Variants in BTBD9 observed in about 807,000 individuals in gnomAD.
BTBD9 encodes the protein BTB/POZ domain-containing protein 9.
In BTBD9, 49 loss-of-function variants were observed where a neutral mutation model predicts 64.3. That is an observed-to-expected ratio of 0.76 (90% CI 0.61 to 0.97). The LOEUF is 0.97. Among genes scored for constraint, BTBD9 ranks in the 50% least tolerant of loss-of-function variants. The pLI is 0.00. For synonymous variants in BTBD9, 260 were observed against 274.7 expected (o/e 0.95, Z 0.53); for missense variants, 598 against 762.1 (o/e 0.78, Z 2.53).
rs139159065 is a variant in BTBD9, at chr6:38,188,008, C to T, written c.1641+4511G>A. Among the ~76,000 whole-genome samples, 106 of 152,278 alleles carry T rather than the reference C, an allele frequency of 7.0e-4. 2 individuals carry two copies. In the East Asian group the frequency reaches 0.018, roughly 26 times the overall value. On this transcript the variant is annotated intron_variant, in intron 10 of 10. Coordinates refer to ENST00000481247, the MANE Select transcript of BTBD9 (RefSeq NM_001099272.2). ...GCGGGGAAAATTAGCATGCAGCAGA[C>T]GGAGACTGAGCCTTTGGATGCAGGA...
At chr6:38,392,573 C>G (rs905087227) in intron 6 of BTBD9, among the ~76,000 whole-genome samples, 2 of 152,204 alleles carry the variant, frequency 1.3e-5, no homozygotes, top group Admixed American at 1.3e-4. Context: ...AACCTGATGA[C>G]AGTCTTATGA....
rs913307216 is a variant in BTBD9, at chr6:38,299,058, C to G, written c.1265-10597G>C. Among the ~76,000 whole-genome samples, 3 of 152,202 alleles carry G rather than the reference C, an allele frequency of 2.0e-5. No individual in the cohort carries two copies. In the Middle Eastern group the frequency reaches 0.01, roughly 518 times the overall value. ...TGTGTGATGTTCCCCTTCCTGTGTC[C>G]ATGTGTTCTCATTGTTCAGTTCCCA... is the stretch of plus-strand genomic sequence containing the variant. On this transcript the variant is annotated intron_variant, in intron 7 of 10. Coordinates refer to ENST00000481247, the MANE Select transcript of BTBD9 (RefSeq NM_001099272.2).
chr6:38,534,566 C>T (rs938195457), intron 6 of BTBD9, among the ~76,000 whole-genome samples: 8 of 150,192 alleles, frequency 5.3e-5, no homozygotes, highest in African/African-American at 1.7e-4. Flanking sequence ...GACAAAGACA[C>T]ATCAAAAAAA....
chr6:38,563,388 C>T (rs946419381), intron 6 of BTBD9, among the ~76,000 whole-genome samples: 10 of 152,188 alleles, frequency 6.6e-5, no homozygotes, highest in African/African-American at 1.7e-4. Context: ...TCCACTGCCA[C>T]GATCCTTACA....
chr6:38,449,687 T>C lies in BTBD9; in HGVS notation c.1155-104594A>G, dbSNP rs113231869. ...TGGGAGGCCAAGGTAGGAGGATTGC[T>C]TGGGCCCAGGAGTTCGAGACCAGTC... On this transcript the variant is annotated intron_variant, in intron 6 of 10. Coordinates refer to ENST00000481247, the MANE Select transcript of BTBD9 (RefSeq NM_001099272.2). Among the ~76,000 whole-genome samples the C allele has an allele frequency of 7.3e-3, 1,111 of 152,260 alleles. 9 individuals carry two copies. Among genetic ancestry groups the C allele is most frequent in the African/African-American group, 0.025 (1,051 of 41,544 alleles).
chr6:38,564,390 G>C (rs574789624), intron 6 of BTBD9, among the ~76,000 whole-genome samples: 1 of 152,108 alleles, frequency 6.6e-6, no homozygotes, highest in South Asian at 2.1e-4. Flanking sequence ...GAATAAATGA[G>C]GAAAAAATAC....
In BTBD9 at chr6:38,192,540, C is replaced by A; in HGVS notation, c.1620G>T (p.Gly540=). The part of the protein sequence containing the change: ...RQPASFIRIV[G]THNTANEVFH... The stretch of plus-strand genomic sequence containing the variant: ...TTACCTCATTTGCTGTGTTGTGTGT[C>A]CCAACGATACGGATGAAGGAGGCAG... Residue 540 remains glycine, a synonymous_variant, in exon 10 of 11, where the codon GGG becomes GGT. Transcript: ENST00000481247. 2 of 1,613,904 alleles carry A rather than the reference C, an allele frequency of 1.2e-6. No homozygotes were observed. Among genetic ancestry groups the A allele is most frequent in the African/African-American group, 1.3e-5 (1 of 75,006 alleles).
chr6:38,471,010 A>T (rs541419264), intron 6 of BTBD9, among the ~76,000 whole-genome samples: 2 of 152,338 alleles, frequency 1.3e-5, no homozygotes, highest in South Asian at 4.1e-4. Flanking sequence ...AGTTGTTTAT[A>T]AAAAATCTCC....
intron 6 of BTBD9, among the ~76,000 whole-genome samples, chr6:38,540,112 G>C (rs1774201316): frequency 6.6e-6 from 1 of 152,184 alleles, no homozygotes; most frequent in Admixed American, 6.5e-5. Context: ...GGCTGAGATA[G>C]TTTAGGACTC....
At chr6:38,481,579 T>C (rs1355065024) in intron 6 of BTBD9, 1 of 152,216 alleles carries the variant, frequency 6.6e-6, no homozygotes, top group African/African-American at 2.4e-5. Flanking sequence ...GCGGGGCACA[T>C]GAGGGAGGGG....
intron 9 of BTBD9, among the ~76,000 whole-genome samples, chr6:38,203,490 A>G (rs1762533439): frequency 6.6e-6 from 1 of 152,232 alleles, no homozygotes; most frequent in Non-Finnish European, 1.5e-5. Context: ...AAGAGATGGA[A>G]TCAACCTAAG....
intron 1 of BTBD9, among the ~76,000 whole-genome samples, chr6:38,633,439 C>G (rs1778426664): frequency 6.6e-6 from 1 of 152,126 alleles, no homozygotes; most frequent in Admixed American, 6.5e-5. Flanking sequence ...ATAGAAAGGG[C>G]CTTGCATAAT....
intron 6 of BTBD9, among the ~76,000 whole-genome samples, chr6:38,533,534 A>G (rs1329970721): frequency 2.0e-5 from 3 of 152,214 alleles, no homozygotes; most frequent in African/African-American, 7.2e-5. Flanking sequence ...GCACTTATAG[A>G]CCAAATGACC....
At chr6:38,350,664 A>G (rs895419971) in intron 6 of BTBD9, among the ~76,000 whole-genome samples, 12 of 152,222 alleles carry the variant, frequency 7.9e-5, no homozygotes, top group Non-Finnish European at 1.0e-4. Flanking sequence ...AAGAATCTTG[A>G]AAACTAGAGT....
intron 6 of BTBD9, among the ~76,000 whole-genome samples, chr6:38,479,969 TC>T (rs1243946952): frequency 1.3e-5 from 2 of 152,148 alleles, no homozygotes; most frequent in African/African-American, 2.4e-5. Context: ...GCTCAAGCGA[TC>T]CTCCTGCCTC....
intron 7 of BTBD9, among the ~76,000 whole-genome samples, chr6:38,311,925 G>A (rs1297141854): frequency 1.3e-5 from 2 of 151,654 alleles, no homozygotes; most frequent in African/African-American, 4.9e-5. Flanking sequence ...GCGGTGGCGC[G>A]ATCTCGACTC....
rs1446930225 is a variant in BTBD9 at position 38,592,637 on chromosome 6, C to T, written c.753G>A (p.Leu251=). 6.2e-7 allele frequency: 1 copy of T among 1,614,018 alleles called. No homozygotes were observed. The highest frequency in any genetic ancestry group is 8.5e-7 in the Non-Finnish European group (1 of 1,180,006). ...PSGLLSPDAI[L]DAIKVRSESR... ...TCTCAGATCGCACTTTAATGGCATC[C>T]AGGATGGCATCAGGAGACAGCAGTC... The change falls in exon 4 of 11, where the codon CTG becomes CTA. Residue 251 remains leucine, a synonymous_variant. Transcript: ENST00000481247.
Position 38,588,862 on chromosome 6 carries a change from T to C in BTBD9, c.814+3714A>G, listed in dbSNP as rs1776663435. On this transcript the variant is annotated intron_variant, in intron 4 of 10. Transcript: ENST00000481247. ...CTTACTTGGCTTTCTGCTATTAACA[T>C]GATGTACTAAAAGTAGAGCCCTTTT... Among the ~76,000 whole-genome samples, 3 of 152,184 alleles carry C rather than the reference T, an allele frequency of 2.0e-5. No homozygotes were observed. The South Asian group carries it at 6.2e-4, about 31-fold the overall frequency.
chr6:38,592,254 T>C (rs181922712), intron 4 of BTBD9, among the ~76,000 whole-genome samples: 7 of 152,090 alleles, frequency 4.6e-5, no homozygotes, highest in Admixed American at 1.3e-4. Context: ...TCAGTATTTA[T>C]TTGATGGAGG....
Sources: allele counts gnomAD v4.1 joint callset (sites outside exome capture counted in the v4.1 genomes callset), GRCh38; gene constraint gnomAD v4.1.1; transcripts MANE v1.5; gene names NCBI Gene and HGNC (gene_info 2026-07-23, HGNC 2026-07-21).